HGD: variants seen among roughly 807,000 people sequenced by gnomAD.
HGD encodes homogentisate 1,2-dioxygenase.
HGD carries 61 observed loss-of-function variants against 60.8 expected under a neutral mutation model. The ratio of observed to expected loss-of-function variants is 1.00; its 90% CI spans 0.82 to 1.24. The LOEUF is 1.24. Ranked by LOEUF, HGD falls within the 50% of genes most tolerant of loss-of-function variation. The probability of loss-of-function intolerance (pLI) is 0.00; values close to 1 mark genes in which losing one functional copy is unlikely to be tolerated. For missense variants in HGD, 542 were observed against 547.1 expected (o/e 0.99, Z 0.09); for synonymous variants, 212 against 187.7 (o/e 1.13, Z -1.06).
At chr3:120,640,344 G>A (rs1369249252) in intron 11 of HGD, among the ~76,000 whole-genome samples, 1 of 152,074 alleles carries the variant, frequency 6.6e-6, no homozygotes, top group Non-Finnish European at 1.5e-5. Flanking sequence ...ATTTTGTTAA[G>A]AGGAGAGAAG....
intron 4 of HGD, among the ~76,000 whole-genome samples, chr3:120,659,715 C>T (rs556527805): frequency 1.2e-3 from 190 of 152,294 alleles, no homozygotes; most frequent in Non-Finnish European, 2.4e-3. Context: ...ATGTCCCACT[C>T]CTTGGTACCA....
chr3:120,631,298 A>G (rs1006926924), intron 13 of HGD, among the ~76,000 whole-genome samples: 1 of 152,206 alleles, frequency 6.6e-6, no homozygotes, highest in Admixed American at 6.5e-5. Context: ...ATAGCATAAC[A>G]GGGTGACCAT....
chr3:120,633,499 A>G, intron 12 of HGD, 171 bp from the exon 13 acceptor site: 1 of 1,522,188 alleles, frequency 6.6e-7, no homozygotes, highest in Non-Finnish European at 8.8e-7. Context: ...AAACATTCAT[A>G]TTGGCATTCT....
chr3:120,634,538 A>G (rs1940697342), intron 12 of HGD, among the ~76,000 whole-genome samples: 1 of 152,186 alleles, frequency 6.6e-6, no homozygotes. Context: ...AACATGAGAC[A>G]GAGATGAATA....
chr3:120,665,736 G>A (rs1362849955), intron 4 of HGD, among the ~76,000 whole-genome samples: 1 of 152,192 alleles, frequency 6.6e-6, no homozygotes, highest in Non-Finnish European at 1.5e-5. Flanking sequence ...TGCTGCCTTT[G>A]GGACTAAATG....
intron 4 of HGD, among the ~76,000 whole-genome samples, chr3:120,670,089 C>T (rs928322733): frequency 6.6e-6 from 1 of 152,152 alleles, no homozygotes; most frequent in East Asian, 1.9e-4. Context: ...TTTCACTTAA[C>T]ACTTCTCTCT....
chr3:120,644,440 GC>G lies in HGD; in HGVS notation c.652del (p.Ala218ProfsTer11), dbSNP rs786204662. 9.9e-6 allele frequency: 16 copies of G among 1,613,926 alleles called. No homozygotes were observed. The highest frequency in any genetic ancestry group is 1.4e-5 in the Non-Finnish European group (16 of 1,180,008). ...ATCACGAGGATTGGCCAAGCCATTG[GC>G]CCCTAGAAAACAGTAACCCAAAAGT... ...FELPDLGPIG[A>X]NGLANPRDFL... is the part of the protein sequence containing the mutation. On this transcript the variant is annotated frameshift_variant and splice_region_variant, in exon 10 of 14. Coordinates refer to ENST00000283871, the MANE Select transcript of HGD (RefSeq NM_000187.4). LOFTEE classifies it high-confidence loss of function.
At chr3:120,659,833 G>A (rs1446819643) in intron 4 of HGD, among the ~76,000 whole-genome samples, 1 of 152,020 alleles carries the variant, frequency 6.6e-6, no homozygotes, top group African/African-American at 2.4e-5. Flanking sequence ...GGCTGCACAG[G>A]AAACATAGCA....
At chr3:120,631,460 T>G (rs573602871) in intron 13 of HGD, among the ~76,000 whole-genome samples, 3 of 151,996 alleles carry the variant, frequency 2.0e-5, no homozygotes, top group Non-Finnish European at 2.9e-5. Flanking sequence ...TCATATCTCA[T>G]GTACCCCATA....
At chr3:120,671,373 C>T (rs1708021786) in intron 3 of HGD, among the ~76,000 whole-genome samples, 1 of 151,704 alleles carries the variant, frequency 6.6e-6, no homozygotes, top group Admixed American at 6.6e-5. Context: ...AAAATATTTC[C>T]AAAAAACAAG....
chr3:120,680,853 C>T (rs1708218555), intron 1 of HGD, among the ~76,000 whole-genome samples: 2 of 152,174 alleles, frequency 1.3e-5, no homozygotes, highest in South Asian at 4.1e-4. Flanking sequence ...TCCTTCCTCA[C>T]TTTGCCAGTT....
At chr3:120,670,091 C>T (rs1056641463) in intron 4 of HGD, among the ~76,000 whole-genome samples, 1 of 152,160 alleles carries the variant, frequency 6.6e-6, no homozygotes, top group Non-Finnish European at 1.5e-5. Flanking sequence ...TCACTTAACA[C>T]TTCTCTCTCC....
intron 5 of HGD, among the ~76,000 whole-genome samples, chr3:120,651,275 C>T (rs1300358393): frequency 6.6e-6 from 1 of 152,218 alleles, no homozygotes; most frequent in Non-Finnish European, 1.5e-5. Context: ...GTACACTCCA[C>T]TATGGGCAGC....
rs749915521 is a variant in HGD at position 120,682,128 on chromosome 3, G to T, written c.-17C>A. 1 of 1,613,564 alleles carries T rather than the reference G, an allele frequency of 6.2e-7. No homozygotes were observed. Among genetic ancestry groups the T allele is most frequent in the African/African-American group, 1.3e-5 (1 of 75,014 alleles). On this transcript the variant is annotated 5_prime_UTR_variant, in exon 1 of 14. Coordinates refer to ENST00000283871, the MANE Select transcript of HGD (RefSeq NM_000187.4). ...CTCAGCCATTTTCTCTCTCCTCTAT[G>T]TGTGGTGACTTCAGGAAACCCAGGC...
intron 4 of HGD, among the ~76,000 whole-genome samples, chr3:120,664,203 T>C (rs1707845259): frequency 6.6e-6 from 1 of 151,690 alleles, no homozygotes; most frequent in Non-Finnish European, 1.5e-5. Flanking sequence ...CAACAATCAA[T>C]GGTGACAAGG....
At position 120,628,407 on chromosome 3, in the gene HGD, G is replaced by T. The variant is rs756737699; in HGVS notation, c.1311C>A (p.Asn437Lys). 1 of 1,614,032 alleles carries T rather than the reference G, an allele frequency of 6.2e-7. No homozygotes were observed. Among genetic ancestry groups the T allele is most frequent in the Non-Finnish European group, 8.5e-7 (1 of 1,179,980 alleles). Residue 437 changes from asparagine (N) to lysine (K), a missense_variant, in exon 14 of 14, where the codon AAC becomes AAA. Asn to Lys is a moderately conservative substitution (Grantham distance 94). This residue lies in a region of HGD where 5 missense variants were observed against 18.0 expected (regional missense o/e 0.28). Coordinates refer to ENST00000283871, the MANE Select transcript of HGD (RefSeq NM_000187.4). ...AATTAGGTTCTGCTGGGTTCCTGGA[G>T]TTGGGAGTGAAGTGGCTCTTGAGTG... ...WEPLKSHFTP[N>K]SRNPAEPN
At chr3:120,673,337 TGCTG>T (rs1708061593) in intron 3 of HGD, among the ~76,000 whole-genome samples, 1 of 152,218 alleles carries the variant, frequency 6.6e-6, no homozygotes, top group African/African-American at 2.4e-5. Context: ...GCTCAGCTCC[TGCTG>T]GCTGAAGATA....
intron 4 of HGD, among the ~76,000 whole-genome samples, chr3:120,666,204 G>C (rs773157072): frequency 6.6e-6 from 1 of 152,150 alleles, no homozygotes; most frequent in Admixed American, 6.5e-5. Context: ...ACACTGAGAC[G>C]CTATTGAATT....
chr3:120,644,715 C>T (rs1025270525), intron 9 of HGD: 2 of 954,426 alleles, frequency 2.1e-6, no homozygotes, highest in African/African-American at 3.3e-5. Flanking sequence ...TATCTTATCA[C>T]TACAGGTGAG....
Sources: gnomAD v4.1 joint callset for allele counts (sites outside exome capture counted in the v4.1 genomes callset) on GRCh38, gnomAD v4.1.1 for gene constraint, gnomAD v4.1.1 regional missense constraint, MANE v1.5 for transcripts, NCBI Gene and HGNC (gene_info 2026-07-23, HGNC 2026-07-21) for gene names.